NRG1: variants seen among roughly 807,000 people sequenced by gnomAD.
NRG1 encodes neuregulin 1.
A neutral mutation model predicts 63.8 loss-of-function variants in NRG1; 18 were observed. The ratio of observed to expected loss-of-function variants is 0.28; its 90% confidence interval spans 0.19 to 0.42. The LOEUF (loss-of-function observed/expected upper bound fraction) is 0.42, where lower values mean the gene tolerates loss of function less well. Among genes scored for constraint, NRG1 ranks in the 10% least tolerant of loss-of-function variants. NRG1 has a pLI of 1.00. For synonymous variants in NRG1, 302 were observed against 301.3 expected, an observed-to-expected ratio of 1.00 and a Z score of -0.02; for missense variants, 762 against 814.7, an observed-to-expected ratio of 0.94 and a Z score of 0.79.
chr8:31,904,190 C>CCCTGA (rs1832331491), intron 1 of NRG1, among the ~76,000 whole-genome samples: 1 of 152,058 alleles, frequency 6.6e-6, no homozygotes, highest in Non-Finnish European at 1.5e-5. Context: ...GAAGTTTGGC[C>CCCTGA]ATAACTAGTT....
rs1843086837 is a variant in NRG1 at position 32,197,589 on chromosome 8, A to G, written c.38-398239A>G. 5.9e-5 allele frequency among the ~76,000 whole-genome samples: 9 copies of G among 152,300 alleles called. No homozygotes were observed. The South Asian group carries it at 1.9e-3, about 32-fold the overall frequency. ...TGAGAACTTGGATCAGGTCATCTCT[A>G]AGGTTCCTTTCAGTTTTAACCTTTC... On this transcript the variant is annotated intron_variant, in intron 1 of 10. Transcript: ENST00000519301.
chr8:31,920,800 G>A (rs567124260), intron 1 of NRG1, among the ~76,000 whole-genome samples: 2 of 151,948 alleles, frequency 1.3e-5, no homozygotes, highest in Non-Finnish European at 2.9e-5. Context: ...AACAGCATTT[G>A]GTAAGTTGTA....
intron 1 of NRG1, among the ~76,000 whole-genome samples, chr8:32,058,324 A>G (rs1457425872): frequency 6.6e-6 from 1 of 152,082 alleles, no homozygotes; most frequent in Admixed American, 6.6e-5. Flanking sequence ...TACATAGCCT[A>G]TAAAATAAAT....
intron 1 of NRG1, among the ~76,000 whole-genome samples, chr8:32,487,630 A>AAT (rs1826062582): frequency 6.6e-6 from 1 of 152,182 alleles, no homozygotes; most frequent in African/African-American, 2.4e-5. Context: ...ATTGCTTGAG[A>AAT]CCGCATCTGT....
intron 1 of NRG1, among the ~76,000 whole-genome samples, chr8:31,947,333 G>A (rs1170045544): frequency 3.3e-3 from 436 of 133,170 alleles, no homozygotes; most frequent in African/African-American, 0.013. Context: ...AAAAAAAAAA[G>A]AATGGATATA....
chr8:32,162,920 C>G (rs1838992978), intron 1 of NRG1, among the ~76,000 whole-genome samples: 1 of 152,142 alleles, frequency 6.6e-6, no homozygotes, highest in Admixed American at 6.6e-5. Context: ...ATGAACCAAC[C>G]ACACCACAAG....
intron 5 of NRG1, among the ~76,000 whole-genome samples, chr8:32,642,963 G>A (rs17666554): frequency 2.0e-5 from 3 of 152,054 alleles, no homozygotes; most frequent in South Asian, 4.1e-4. Context: ...AGAATGACTA[G>A]CTTGAATTCA....
At position 32,217,979 on chromosome 8, in the gene NRG1, A is replaced by G. The variant is rs938057263; in HGVS notation, c.38-377849A>G. Among the ~76,000 whole-genome samples the G allele has an allele frequency of 1.1e-4, 16 of 152,236 alleles. 1 individual carries two copies. The highest frequency in any genetic ancestry group is 3.1e-4 in the African/African-American group (13 of 41,458). Reference sequence around the variant, plus strand: ...AATGAAACTGTGACTTGTTTAAGTTACAACCTGTGAGTGTTGAAGTCAGAG... The same window carrying G: ...AATGAAACTGTGACTTGTTTAAGTTGCAACCTGTGAGTGTTGAAGTCAGAG... On this transcript the variant is annotated intron_variant, in intron 1 of 10. Coordinates refer to the NRG1 transcript ENST00000519301.
At chr8:31,916,782 T>C (rs1193019779) in intron 1 of NRG1, among the ~76,000 whole-genome samples, 7 of 152,104 alleles carry the variant, frequency 4.6e-5, no homozygotes, top group South Asian at 2.1e-4. Context: ...ATCGCCACAC[T>C]GACTTCCACA....
chr8:31,898,844 G>A (rs567219648), intron 1 of NRG1, among the ~76,000 whole-genome samples: 78 of 152,138 alleles, frequency 5.1e-4, no homozygotes, highest in Admixed American at 1.8e-3. Context: ...AGTGGTTCCT[G>A]CTCTCTTCTT....
At chr8:32,594,624 C>T (rs1421517961) in intron 1 of NRG1, among the ~76,000 whole-genome samples, 1 of 152,140 alleles carries the variant, frequency 6.6e-6, no homozygotes, top group Non-Finnish European at 1.5e-5. Flanking sequence ...TATTTTGAAG[C>T]AAATCTCGGA....
chr8:31,821,402 T>G (rs748753978), intron 1 of NRG1, among the ~76,000 whole-genome samples: 1 of 152,190 alleles, frequency 6.6e-6, no homozygotes, highest in Non-Finnish European at 1.5e-5. Context: ...AAGAGCCAGA[T>G]TTCCCATCCT....
At chr8:32,312,627 A>G (rs900804128) in intron 1 of NRG1, among the ~76,000 whole-genome samples, 16 of 152,038 alleles carry the variant, frequency 1.1e-4, no homozygotes, top group African/African-American at 3.9e-4. Context: ...GTGTGGCTCC[A>G]TTCCCACGAG....
intron 1 of NRG1, among the ~76,000 whole-genome samples, chr8:32,588,084 G>A (rs757254238): frequency 6.6e-6 from 1 of 151,940 alleles, no homozygotes; most frequent in Non-Finnish European, 1.5e-5. Context: ...ACAATGCTTG[G>A]CTAATTTTTG....
At chr8:31,833,804 T>G (rs1445181058) in intron 1 of NRG1, among the ~76,000 whole-genome samples, 3 of 152,168 alleles carry the variant, frequency 2.0e-5, no homozygotes, top group Non-Finnish European at 2.9e-5. Flanking sequence ...AAAATCATCT[T>G]GCTCATTCCA....
At chr8:31,879,814 G>GTT (rs745409524) in intron 1 of NRG1, among the ~76,000 whole-genome samples, 52 of 152,104 alleles carry the variant, frequency 3.4e-4, no homozygotes, top group African/African-American at 1.3e-3. Flanking sequence ...GCAGTATTTG[G>GTT]TTTTCTGTTT....
At chr8:32,593,727 G>A (rs1187444231) in intron 1 of NRG1, among the ~76,000 whole-genome samples, 2 of 151,918 alleles carry the variant, frequency 1.3e-5, no homozygotes, top group African/African-American at 4.8e-5. Flanking sequence ...ACAGAAATAT[G>A]TAGACACTAT....
At chr8:31,652,612 A>G (rs1446502758) in intron 1 of NRG1, among the ~76,000 whole-genome samples, 2 of 152,110 alleles carry the variant, frequency 1.3e-5, no homozygotes, top group Non-Finnish European at 2.9e-5. Flanking sequence ...CTCTTTTCCC[A>G]GAATGGTCTG....
At chr8:32,435,692 C>A (rs925378169) in intron 1 of NRG1, among the ~76,000 whole-genome samples, 2 of 152,032 alleles carry the variant, frequency 1.3e-5, no homozygotes, top group African/African-American at 2.4e-5. Flanking sequence ...CGTTACCAGG[C>A]AATATTTTTT....
Sources: gnomAD v4.1 joint callset for allele counts (sites outside exome capture counted in the v4.1 genomes callset) on GRCh38, gnomAD v4.1.1 for gene constraint, MANE v1.5 for transcripts, NCBI Gene and HGNC (gene_info 2026-07-23, HGNC 2026-07-21) for gene names.